WIPF3: variants seen among roughly 807,000 people sequenced by gnomAD.
The protein encoded by WIPF3 is WAS/WASL-interacting protein family member 3.
WIPF3 carries 33 observed loss-of-function variants against 38.9 expected under a neutral mutation model. The observed-to-expected ratio is 0.85, with a 90% confidence interval of 0.64 to 1.14. The LOEUF (loss-of-function observed/expected upper bound fraction) is 1.14, where lower values mean the gene tolerates loss of function less well. Among genes scored for constraint, WIPF3 ranks in the 50% most tolerant of loss-of-function variants. The pLI is 0.00. For synonymous variants in WIPF3, 324 were observed against 269.3 expected, an observed-to-expected ratio of 1.20 and a Z score of -1.99; for missense variants, 711 against 652.5, an observed-to-expected ratio of 1.09 and a Z score of -0.98.
At chr7:29,853,200 C>T (rs1031796605) in intron 2 of WIPF3, among the ~76,000 whole-genome samples, 1 of 152,196 alleles carries the variant, frequency 6.6e-6, no homozygotes, top group South Asian at 2.1e-4. Flanking sequence ...TGCCTCAAGT[C>T]GTTCCACCAA....
chr7:29,806,723 A>G (rs174912), intron 1 of WIPF3, 45 bp downstream of exon 1: 10,003 of 151,680 alleles, frequency 0.066, 450 homozygotes, highest in Middle Eastern at 0.18. Context: ...CGAGGGTGGA[A>G]GGAACGGGCG....
chr7:29,889,053 A>G (rs1257766760), intron 6 of WIPF3, among the ~76,000 whole-genome samples: 2 of 152,130 alleles, frequency 1.3e-5, no homozygotes, highest in African/African-American at 4.8e-5. Context: ...TATTGGTTGA[A>G]GTAAGTTCAG....
chr7:29,888,768 C>T (rs1785945855), intron 6 of WIPF3, among the ~76,000 whole-genome samples: 1 of 152,170 alleles, frequency 6.6e-6, no homozygotes. Context: ...ATGAAAGGGC[C>T]ACAGGAGCCC....
intron 2 of WIPF3, among the ~76,000 whole-genome samples, chr7:29,857,477 T>C (rs1785203854): frequency 6.6e-6 from 1 of 151,702 alleles, no homozygotes; most frequent in South Asian, 2.1e-4. Context: ...CTTCTACAGA[T>C]TTTTTTTTCT....
chr7:29,839,917 A>C (rs1167396265), intron 2 of WIPF3, among the ~76,000 whole-genome samples: 3 of 152,210 alleles, frequency 2.0e-5, no homozygotes, highest in African/African-American at 7.2e-5. Flanking sequence ...CTTGAATTTT[A>C]AAAATTTTAC....
At chr7:29,866,173 T>A (rs1785384291) in intron 2 of WIPF3, among the ~76,000 whole-genome samples, 1 of 152,010 alleles carries the variant, frequency 6.6e-6, no homozygotes, top group African/African-American at 2.4e-5. Flanking sequence ...AAAAAGGAAG[T>A]CTAGATTCAC....
intron 2 of WIPF3, among the ~76,000 whole-genome samples, chr7:29,842,503 T>C (rs963221242): frequency 6.6e-6 from 1 of 152,238 alleles, no homozygotes; most frequent in African/African-American, 2.4e-5. Flanking sequence ...CCAGAGTCTT[T>C]GCTTTCAGGA....
chr7:29,870,433 G>T (rs1785474739), intron 2 of WIPF3, among the ~76,000 whole-genome samples: 1 of 152,182 alleles, frequency 6.6e-6, no homozygotes, highest in Non-Finnish European at 1.5e-5. Context: ...AGAGGTGACA[G>T]ATTTCTGAGA....
rs1472447467 is a variant in WIPF3, at chr7:29,915,731, G to C, written c.*1215G>C. 1 of 152,294 alleles carries C rather than the reference G, an allele frequency of 6.6e-6. No homozygotes were observed. Among genetic ancestry groups the C allele is most frequent in the Non-Finnish European group, 1.5e-5 (1 of 68,174 alleles). The allele number at this position is 152,294 out of a possible 1,614,324, so 9.4% of individuals were successfully genotyped here. ...CTGTAGGGAGTGGAAATGTGTTTTT[G>C]CTTGCTGCCTGACCCCTGATGTTCC... On this transcript the variant is annotated 3_prime_UTR_variant, in exon 9 of 9. Coordinates refer to ENST00000242140, the MANE Select transcript of WIPF3 (RefSeq NM_001080529.3).
At chr7:29,859,455 T>G (rs1785239498) in intron 2 of WIPF3, among the ~76,000 whole-genome samples, 1 of 152,242 alleles carries the variant, frequency 6.6e-6, no homozygotes, top group South Asian at 2.1e-4. Context: ...CTACTGTGCT[T>G]ATCAGGAATG....
chr7:29,811,367 A>C (rs370103765), intron 1 of WIPF3, among the ~76,000 whole-genome samples: 16 of 152,170 alleles, frequency 1.1e-4, no homozygotes, highest in African/African-American at 3.4e-4. Context: ...CAAAAATAGC[A>C]AACAACATAA....
chr7:29,911,864 T>C (rs985170397), intron 8 of WIPF3, among the ~76,000 whole-genome samples: 2 of 152,146 alleles, frequency 1.3e-5, no homozygotes, highest in African/African-American at 4.8e-5. Flanking sequence ...TTCATGACAC[T>C]GGGTTTGACA....
At chr7:29,828,335 C>G (rs1172495819) in intron 1 of WIPF3, among the ~76,000 whole-genome samples, 3 of 151,984 alleles carry the variant, frequency 2.0e-5, no homozygotes, top group Non-Finnish European at 4.4e-5. Flanking sequence ...AGAGGCAAGC[C>G]CAGTCCACAT....
chr7:29,835,772 A>T (rs556809670), intron 2 of WIPF3, among the ~76,000 whole-genome samples: 1 of 152,314 alleles, frequency 6.6e-6, no homozygotes, highest in Admixed American at 6.5e-5. Flanking sequence ...AATGAACGAG[A>T]TGACGGTATG....
At chr7:29,824,550 TA>T (rs398047618) in intron 1 of WIPF3, among the ~76,000 whole-genome samples, 5,569 of 135,456 alleles carry the variant, frequency 0.041, 130 homozygotes, top group Non-Finnish European at 0.061. Context: ...GATGTATTTT[TA>T]AAAAAAAAAA....
In WIPF3 at chr7:29,878,161, A is replaced by AC. The variant is rs1171344251; in HGVS notation, c.224-847dup. ...TGATCGAATTGGTTAAGCCTAATTA[A>AC]CAGGTAAATCAATTTCATTGAAACA... On this transcript the variant is annotated intron_variant, in intron 3 of 8. Coordinates refer to ENST00000242140, the MANE Select transcript of WIPF3 (RefSeq NM_001080529.3). The surrounding 1 kb of genome is among the most constrained non-coding windows in gnomAD (Gnocchi z 4.0). Among the ~76,000 whole-genome samples the AC allele has an allele frequency of 6.6e-6, 1 of 152,374 alleles. No homozygotes were observed. Among genetic ancestry groups the AC allele is most frequent in the East Asian group, 1.9e-4 (1 of 5,196 alleles).
rs760999095 is a variant in WIPF3, at chr7:29,904,459, T to C, written c.1428+97T>C. The C allele has an allele frequency of 7.0e-6, 9 of 1,279,850 alleles. No homozygotes were observed. In the African/African-American group the frequency reaches 1.3e-4, roughly 19 times the overall value. The allele number at this position is 1,279,850 out of a possible 1,614,324, so 79.3% of individuals were successfully genotyped here. ...ATGCTTTCTCCTAAACAGCTTTATA[T>C]TTTTCCTCACACTCCTTTTCCTCAG... is the stretch of plus-strand genomic sequence containing the variant. On this transcript the variant is annotated intron_variant, in intron 8 of 8. Coordinates refer to ENST00000242140, the MANE Select transcript of WIPF3 (RefSeq NM_001080529.3).
chr7:29,829,611 G>A (rs1784684544), intron 1 of WIPF3, among the ~76,000 whole-genome samples: 1 of 152,162 alleles, frequency 6.6e-6, no homozygotes, highest in African/African-American at 2.4e-5. Flanking sequence ...TTCATATACA[G>A]TGTTTGTTTT....
In WIPF3 at chr7:29,844,527, C is replaced by T. The variant is rs1287865401; in HGVS notation, c.90+9713C>T. Among the ~76,000 whole-genome samples the T allele has an allele frequency of 2.6e-5, 4 of 152,190 alleles. No individual in the cohort carries two copies. The highest frequency in any genetic ancestry group is 9.7e-5 in the African/African-American group (4 of 41,440). On this transcript the variant is annotated intron_variant, in intron 2 of 8. Transcript: ENST00000242140. This position sits in a 1 kb window ranked among gnomAD's most constrained non-coding sequence, Gnocchi z 4.8. ...AACTGAGGCACAGAAAGTTTACTTA[C>T]GTGCCCAGTGTCACACAGCCAGTCA...
Sources: gnomAD v4.1 joint callset for allele counts (sites outside exome capture counted in the v4.1 genomes callset) on GRCh38, gnomAD v4.1.1 for gene constraint, Gnocchi (gnomAD v3.1) non-coding constraint, MANE v1.5 for transcripts, NCBI Gene and HGNC (gene_info 2026-07-23, HGNC 2026-07-21) for gene names.